Variants in ARMC12 observed in about 807,000 individuals in gnomAD.
ARMC12 encodes armadillo repeat containing 12.
A neutral mutation model predicts 37.4 loss-of-function variants in ARMC12; 25 were observed. That is an observed-to-expected ratio of 0.67 (90% CI 0.49 to 0.93). ARMC12 has a LOEUF of 0.93. ARMC12 is among the 40% of genes least tolerant of loss of function. The pLI is 0.00. For synonymous variants in ARMC12, 167 were observed against 176.1 expected, an observed-to-expected ratio of 0.95 and a Z score of 0.41; for missense variants, 384 against 426.6, an observed-to-expected ratio of 0.90 and a Z score of 0.88.
upstream of ARMC12, chr6:35,735,059 T>C (rs560768043): frequency 6.6e-6 from 1 of 152,118 alleles, no homozygotes; most frequent in Non-Finnish European, 1.5e-5. This position sits in a 1 kb window ranked among gnomAD's most constrained non-coding sequence, Gnocchi z 4.0. Flanking sequence ...TGGAGGTCTT[T>C]AAAGAACAGG....
Position 35,738,286 on chromosome 6 carries a change from T to TGCG in ARMC12, c.310-97_310-96insCGG, listed in dbSNP as rs1554141437. 1.5e-3 allele frequency: 1,574 copies of TGCG among 1,063,136 alleles called. 15 individuals are homozygous for TGCG. In the South Asian group the frequency reaches 0.015, roughly 10 times the overall value. 65.9% of individuals were successfully genotyped at this position (1,063,136 alleles called of 1,614,324 possible). A position where few individuals can be genotyped will look rare whatever the true frequency, so the allele number is the denominator to read the frequency against. On this transcript the variant is annotated intron_variant, in intron 2 of 5. Transcript: ENST00000373866. ...GGGACCTCTCTCTGGCTGATAGCGG[T>TGCG]GGGGGGGGGGTGTGCGGAGGGATCT...
At chr6:35,733,188 G>GAA (rs533821281), upstream of ARMC12, among the ~76,000 whole-genome samples, 86 of 151,946 alleles carry the variant, frequency 5.7e-4, no homozygotes, top group Middle Eastern at 3.4e-3. Flanking sequence ...GAGAGAGAGA[G>GAA]AAAAAATAAA....
intron 4 of ARMC12, 29 bp from the exon 5 acceptor site, chr6:35,747,547 T>C: frequency 6.2e-7 from 1 of 1,613,772 alleles, no homozygotes; most frequent in Non-Finnish European, 8.5e-7. Context: ...TCACCTGCCT[T>C]CTCATGCTTT....
At position 35,738,288 on chromosome 6, in the gene ARMC12, G is replaced by T. The variant is rs540555705; in HGVS notation, c.310-96G>T. On this transcript the variant is annotated intron_variant, in intron 2 of 5. Transcript: ENST00000373866. ...GACCTCTCTCTGGCTGATAGCGGTGGGGGGGGGGTGTGCGGAGGGATCTTG... is the reference window on the plus strand; with the variant it reads ...GACCTCTCTCTGGCTGATAGCGGTGTGGGGGGGGTGTGCGGAGGGATCTTG... 9.5e-5 allele frequency: 133 copies of T among 1,400,868 alleles called. 3 individuals carry two copies. The highest frequency in any genetic ancestry group is 1.1e-4 in the Non-Finnish European group (116 of 1,044,090). 86.8% of individuals were successfully genotyped at this position (1,400,868 alleles called of 1,614,324 possible). A position where few individuals can be genotyped will look rare whatever the true frequency, so the allele number is the denominator to read the frequency against.
chr6:35,735,372 G>A (rs1766933109), upstream of ARMC12: 1 of 152,400 alleles, frequency 6.6e-6, no homozygotes, highest in African/African-American at 2.4e-5. The surrounding 1 kb of genome is among the most constrained non-coding windows in gnomAD (Gnocchi z 4.0). Flanking sequence ...GGGCTAAATA[G>A]AGTGCCAGGA....
upstream of ARMC12, among the ~76,000 whole-genome samples, chr6:35,736,083 G>A (rs370392879): frequency 3.0e-4 from 46 of 152,270 alleles, no homozygotes; most frequent in African/African-American, 9.1e-4. Context: ...TTGTTCTGCC[G>A]CCAAGTCCTT....
intron 3 of ARMC12, among the ~76,000 whole-genome samples, chr6:35,746,661 T>G (rs1767346004): frequency 6.6e-6 from 1 of 151,968 alleles, no homozygotes; most frequent in South Asian, 2.1e-4. Flanking sequence ...TTGATAGATT[T>G]TTGAAGGTAG....
upstream of ARMC12, among the ~76,000 whole-genome samples, chr6:35,733,655 A>G (rs1766885809): frequency 2.0e-5 from 3 of 152,144 alleles, no homozygotes; most frequent in South Asian, 6.2e-4. Context: ...ACAGATGCAC[A>G]CCACCACGTC....
In ARMC12 at chr6:35,746,586, G is replaced by A. The variant is rs149688826; in HGVS notation, c.445-675G>A. On this transcript the variant is annotated intron_variant, in intron 3 of 5. Coordinates refer to ENST00000373866, the MANE Select transcript of ARMC12 (RefSeq NM_001286574.2). Reference sequence around the variant, plus strand: ...GACAGGAGGCTATTGCAGAAATCCCGGTGAGATGCCAGTGGCTTGAAAGAG... The same window carrying A: ...GACAGGAGGCTATTGCAGAAATCCCAGTGAGATGCCAGTGGCTTGAAAGAG... 1.1e-3 allele frequency among the ~76,000 whole-genome samples: 173 copies of A among 152,242 alleles called. 2 individuals are homozygous for A. Among genetic ancestry groups the A allele is most frequent in the African/African-American group, 3.9e-3 (161 of 41,526 alleles).
At chr6:35,732,237 C>T (rs1581913753), upstream of ARMC12, among the ~76,000 whole-genome samples, 1 of 152,286 alleles carries the variant, frequency 6.6e-6, no homozygotes, top group African/African-American at 2.4e-5. Flanking sequence ...TAAGCGCTAG[C>T]TGGGGAGATG....
At chr6:35,742,112 C>T (rs1034490087) in intron 3 of ARMC12, among the ~76,000 whole-genome samples, 2 of 151,968 alleles carry the variant, frequency 1.3e-5, no homozygotes, top group Non-Finnish European at 2.9e-5. Flanking sequence ...CTGCCTCAGC[C>T]TCCCAAAGTG....
At chr6:35,735,560 A>G (rs1455014628), upstream of ARMC12, among the ~76,000 whole-genome samples, 1 of 152,228 alleles carries the variant, frequency 6.6e-6, no homozygotes, top group African/African-American at 2.4e-5. The surrounding 1 kb of genome is among the most constrained non-coding windows in gnomAD (Gnocchi z 4.0). Context: ...GGTGCAGCCC[A>G]GGACCCAGAG....
At chr6:35,745,409 C>A (rs1324521643) in intron 3 of ARMC12, among the ~76,000 whole-genome samples, 1 of 152,182 alleles carries the variant, frequency 6.6e-6, no homozygotes, top group Non-Finnish European at 1.5e-5. Flanking sequence ...TATATAACAT[C>A]CTCAAACTTA....
chr6:35,741,969 C>T (rs1767182110), intron 3 of ARMC12, among the ~76,000 whole-genome samples: 2 of 151,934 alleles, frequency 1.3e-5, no homozygotes, highest in South Asian at 2.1e-4. Context: ...GTGATCCTCC[C>T]ACCTCAACCT....
Position 35,738,189 on chromosome 6 carries a change from G to T in ARMC12, c.309+17G>T, listed in dbSNP as rs1561919489. 1.3e-6 allele frequency: 2 copies of T among 1,581,428 alleles called. No homozygotes were observed. Among genetic ancestry groups the T allele is most frequent in the Admixed American group, 1.7e-5 (1 of 58,244 alleles). On this transcript the variant is annotated intron_variant, in intron 2 of 5. Coordinates refer to ENST00000373866, the MANE Select transcript of ARMC12 (RefSeq NM_001286574.2). ...GAGGCTGAGGTAAGGGAAGCAGGAG[G>T]TCCCCCCTAGCCGGCCTGGCCCCTG...
Position 35,747,290 on chromosome 6 carries a change from C to T in ARMC12, c.474C>T (p.Ile158=). 1.2e-6 allele frequency: 2 copies of T among 1,612,912 alleles called. No homozygotes were observed. The highest frequency in any genetic ancestry group is 1.7e-6 in the Non-Finnish European group (2 of 1,179,996). The change falls in exon 4 of 6, where the codon ATC becomes ATT. Residue 158 remains isoleucine (I), a synonymous_variant. Transcript: ENST00000373866. ...QEHSIKVLEL[I]STIWDTELHI... Reference sequence around the variant, plus strand: ...ACTCCATCAAAGTACTCGAACTGATCTCCACCATCTGGGACACGGAACTGC... The same window carrying T: ...ACTCCATCAAAGTACTCGAACTGATTTCCACCATCTGGGACACGGAACTGC...
intron 3 of ARMC12, among the ~76,000 whole-genome samples, chr6:35,746,435 G>T (rs905749489): frequency 6.6e-6 from 1 of 152,150 alleles, no homozygotes; most frequent in African/African-American, 2.4e-5. Flanking sequence ...ACATTGGACC[G>T]TATGCCACTG....
chr6:35,732,215 C>T (rs1476779545), upstream of ARMC12, among the ~76,000 whole-genome samples: 1 of 152,180 alleles, frequency 6.6e-6, no homozygotes, highest in Non-Finnish European at 1.5e-5. Flanking sequence ...GGATCTGGTT[C>T]CTGGGCAGGA....
Position 35,747,356 on chromosome 6 carries a change from C to G in ARMC12, c.540C>G (p.Pro180=). The change falls in exon 4 of 6, where the codon CCC becomes CCG. Residue 180 remains proline (P), a synonymous_variant. Transcript: ENST00000373866. ...GACTCCTCAACAACCTTCCACTGCC[C>G]GACTATGTGCATCCACAGCTGCGAC... ...GLRLLNNLPL[P]DYVHPQLRRV... is the part of the protein sequence containing the mutation. 6.2e-7 allele frequency: 1 copy of G among 1,614,168 alleles called. No homozygotes were observed. Among genetic ancestry groups the G allele is most frequent in the Non-Finnish European group, 8.5e-7 (1 of 1,180,042 alleles).
Sources: gnomAD v4.1 joint callset for allele counts (sites outside exome capture counted in the v4.1 genomes callset) on GRCh38, gnomAD v4.1.1 for gene constraint, Gnocchi (gnomAD v3.1) non-coding constraint, MANE v1.5 for transcripts, NCBI Gene and HGNC (gene_info 2026-07-23, HGNC 2026-07-21) for gene names.